The following ADGRV1 variants were observed in gnomAD, a reference collection of about 807,000 sequenced individuals.
The protein encoded by ADGRV1 is G-protein coupled receptor 98.
ADGRV1 carries 359 observed loss-of-function variants against 596.2 expected under a neutral mutation model. The ratio of observed to expected loss-of-function variants is 0.60; its 90% CI spans 0.55 to 0.66. The LOEUF (loss-of-function observed/expected upper bound fraction) is 0.66, where lower values mean the gene tolerates loss of function less well. Among genes scored for constraint, ADGRV1 ranks in the 30% least tolerant of loss-of-function variants. ADGRV1 has a pLI of 0.00. For synonymous variants in ADGRV1, 2,681 were observed against 2,679.2 expected, an observed-to-expected ratio of 1.00 and a Z score of -0.02; for missense variants, 7,274 against 7,575.6, an observed-to-expected ratio of 0.96 and a Z score of 1.48.
chr5:90,750,071 G>A (rs1755073507), intron 52 of ADGRV1, among the ~76,000 whole-genome samples: 1 of 152,104 alleles, frequency 6.6e-6, no homozygotes, highest in Admixed American at 6.5e-5. Flanking sequence ...GTGCATGGAT[G>A]GGATGTTGGA....
intron 21 of ADGRV1, among the ~76,000 whole-genome samples, chr5:90,668,316 G>T (rs536505056): frequency 2.0e-5 from 3 of 152,186 alleles, no homozygotes; most frequent in Non-Finnish European, 4.4e-5. Context: ...CTCGTGGTGC[G>T]CCGTTTTTTA....
intron 1 of ADGRV1, among the ~76,000 whole-genome samples, chr5:90,572,585 A>G (rs1756675178): frequency 1.3e-5 from 2 of 152,210 alleles, no homozygotes; most frequent in African/African-American, 4.8e-5. Flanking sequence ...TGGGGAAAAG[A>G]CTGTCTATTC....
intron 87 of ADGRV1, among the ~76,000 whole-genome samples, chr5:91,115,465 T>G (rs1305947281): frequency 6.6e-6 from 1 of 152,226 alleles, no homozygotes; most frequent in Non-Finnish European, 1.5e-5. Flanking sequence ...AGCCTGTGCA[T>G]GCAACATCTT....
intron 21 of ADGRV1, 50 bp from the exon 22 acceptor site, chr5:90,672,496 C>A: frequency 3.6e-6 from 5 of 1,407,828 alleles, no homozygotes; most frequent in South Asian, 1.3e-5. Context: ...GTAATTTTGT[C>A]ACTGATTTGA....
chr5:90,917,565 C>T (rs1773493394), intron 83 of ADGRV1, among the ~76,000 whole-genome samples: 1 of 152,182 alleles, frequency 6.6e-6, no homozygotes, highest in Non-Finnish European at 1.5e-5. Flanking sequence ...TCACATTCTT[C>T]AAGCTTATAT....
At chr5:90,698,756 C>T (rs1747521699) in intron 34 of ADGRV1, among the ~76,000 whole-genome samples, 1 of 134,346 alleles carries the variant, frequency 7.4e-6, no homozygotes, top group Non-Finnish European at 1.6e-5. Context: ...CCATGAAGAA[C>T]ATCAGACTAA....
At chr5:90,757,355 A>G (rs1755945140) in intron 57 of ADGRV1, among the ~76,000 whole-genome samples, 194 bp downstream of exon 57, 1 of 142,974 alleles carries the variant, frequency 7.0e-6, no homozygotes, top group African/African-American at 2.6e-5. Context: ...AAGATACAAC[A>G]ATCTTACCCT....
chr5:90,928,422 A>T (rs927345626), intron 83 of ADGRV1, among the ~76,000 whole-genome samples: 1 of 151,062 alleles, frequency 6.6e-6, no homozygotes, highest in African/African-American at 2.4e-5. Flanking sequence ...AGTTGATCGC[A>T]TCGGCTCCTG....
chr5:90,628,000 T>A (rs1201831002), intron 7 of ADGRV1: 1 of 344,328 alleles, frequency 2.9e-6, no homozygotes, highest in Non-Finnish European at 5.2e-6. Context: ...TTCACTGTTT[T>A]CTTTCTTATT....
intron 85 of ADGRV1, among the ~76,000 whole-genome samples, chr5:91,058,095 T>C (rs1787055606): frequency 6.6e-6 from 1 of 152,164 alleles, no homozygotes; most frequent in African/African-American, 2.4e-5. Context: ...ACATTTTAGG[T>C]TATTTTTCCA....
At chr5:90,935,439 T>C (rs894892952) in intron 83 of ADGRV1, among the ~76,000 whole-genome samples, 1 of 152,238 alleles carries the variant, frequency 6.6e-6, no homozygotes, top group Admixed American at 6.5e-5. Flanking sequence ...CCGCACCTCC[T>C]AGACCCTGAC....
Position 90,637,863 on chromosome 5 carries a change from G to T in ADGRV1, c.2155G>T (p.Gly719Trp). 6.2e-7 allele frequency: 1 copy of T among 1,613,506 alleles called. No homozygotes were observed. Among genetic ancestry groups the T allele is most frequent in the Non-Finnish European group, 8.5e-7 (1 of 1,179,734 alleles). Residue 719 changes from glycine (G) to tryptophan (W), a missense_variant, in exon 11 of 90, where the codon GGG (glycine) becomes TGG (tryptophan). Physicochemically the swap from Gly to Trp is radical, Grantham distance 184. This residue lies in a region of ADGRV1 where 1,715 missense variants were observed against 1,708.8 expected (regional missense o/e 1.00). Coordinates refer to ENST00000405460, the MANE Select transcript of ADGRV1 (RefSeq NM_032119.4). ...PFNGSVLFLSGQSDTTINITI... is the reference protein window; with the variant it reads ...PFNGSVLFLSWQSDTTINITI... ...TAATGGCTCTGTTTTGTTTTTATCT[G>T]GGCAAAGTGACACAACAATCAACAT...
chr5:90,978,093 G>C (rs1779768802), intron 84 of ADGRV1, among the ~76,000 whole-genome samples: 1 of 151,942 alleles, frequency 6.6e-6, no homozygotes, highest in Non-Finnish European at 1.5e-5. Context: ...TCAGGAGATC[G>C]AGACCATCCT....
At position 90,853,418 on chromosome 5, in the gene ADGRV1, T is replaced by C; in HGVS notation, c.17339T>C (p.Val5780Ala). The change falls in exon 80 of 90, where the codon GTC becomes GCC. Residue 5780 changes from valine (V) to alanine (A), a missense_variant. Val to Ala is a moderately conservative substitution (Grantham distance 64, BLOSUM62 0). Coordinates refer to ENST00000405460, the MANE Select transcript of ADGRV1 (RefSeq NM_032119.4). The part of the protein sequence containing the change: ...YIRIPERLLD[V>A]QDAEIMAGKS... ...CGAATTCCAGAGAGGCTACTGGATG[T>C]CCAGGATGCAGAAATAATGGCTGGG... 1 of 1,613,572 alleles carries C rather than the reference T, an allele frequency of 6.2e-7. No individual in the cohort carries two copies. Among genetic ancestry groups the C allele is most frequent in the African/African-American group, 1.3e-5 (1 of 75,038 alleles).
intron 50 of ADGRV1, among the ~76,000 whole-genome samples, chr5:90,742,978 G>T (rs1252353256): frequency 6.6e-6 from 1 of 152,154 alleles, no homozygotes; most frequent in Non-Finnish European, 1.5e-5. Context: ...AGTTTGGTTG[G>T]AATATGTTAA....
chr5:90,628,784 T>A lies in ADGRV1; in HGVS notation c.1461T>A (p.Ile487=), dbSNP rs1317000198. 2.5e-6 allele frequency: 4 copies of A among 1,614,014 alleles called. No individual in the cohort carries two copies. In the Admixed American group the frequency reaches 5.0e-5, roughly 20 times the overall value. The change falls in exon 8 of 90, where the codon ATT becomes ATA. Residue 487 remains isoleucine, a synonymous_variant. Transcript: ENST00000405460. ...AGGCAGAAGCTTATCTACTTCAAAT[T>A]CTGCCTCATACAATACGAGGAGGTG... ...PEEAEAYLLQ[I]LPHTIRGGAE...
intron 85 of ADGRV1, chr5:91,031,220 TG>T: frequency 1.3e-6 from 2 of 1,585,760 alleles, no homozygotes; most frequent in Non-Finnish European, 1.7e-6. Context: ...TGTGTCCATG[TG>T]GTTCCTTCAA....
At chr5:90,916,721 C>G (rs1471938887) in intron 83 of ADGRV1, among the ~76,000 whole-genome samples, 1 of 148,066 alleles carries the variant, frequency 6.8e-6, no homozygotes, top group Non-Finnish European at 1.5e-5. Flanking sequence ...CAAGCTCCGC[C>G]TCCCGGGTTC....
chr5:91,121,998 T>TTG (rs907160981), intron 87 of ADGRV1, among the ~76,000 whole-genome samples: 1 of 152,116 alleles, frequency 6.6e-6, no homozygotes, highest in Non-Finnish European at 1.5e-5. Context: ...GACCATTAAC[T>TTG]TGTTATTGAA....
Sources: gnomAD v4.1 joint callset for allele counts (sites outside exome capture counted in the v4.1 genomes callset) on GRCh38, gnomAD v4.1.1 for gene constraint, gnomAD v4.1.1 regional missense constraint, MANE v1.5 for transcripts, NCBI Gene and HGNC (gene_info 2026-07-23, HGNC 2026-07-21) for gene names.